Variants in CARMIL3 observed in about 807,000 individuals in gnomAD.
The protein encoded by CARMIL3 is capping protein regulator and myosin 1 linker 3.
In CARMIL3, 88 loss-of-function variants were observed where a neutral mutation model predicts 180.8. The ratio of observed to expected loss-of-function variants is 0.49; its 90% confidence interval spans 0.41 to 0.58. The LOEUF is 0.58. Among genes scored for constraint, CARMIL3 ranks in the 20% least tolerant of loss-of-function variants. The pLI, the probability that CARMIL3 is intolerant of heterozygous loss-of-function variation, is 0.00. For missense variants in CARMIL3, 1,548 were observed against 1,787.0 expected (o/e 0.87, Z 2.41); for synonymous variants, 696 against 714.5 (o/e 0.97, Z 0.41).
chr14:24,064,980 G>A lies in CARMIL3; in HGVS notation c.3103G>A (p.Val1035Met), dbSNP rs542450759. Reference protein sequence around the residue: ...SSSYPRTLRTVRPGLSEAPLP... With the variant: ...SSSYPRTLRTMRPGLSEAPLP... The stretch of plus-strand genomic sequence containing the variant: ...CAGCTACCCCCGGACTCTGAGGACC[G>A]TGCGGCCAGGACTCTCGGAGGCACC... The change falls in exon 33 of 40, where the codon GTG becomes ATG. Residue 1035 changes from valine to methionine, a missense_variant. By Grantham distance (21) the Val-to-Met change is conservative. Around this residue, in one of 4 missense-constraint regions of CARMIL3, gnomAD observed 668 missense variants for 687.8 expected, o/e 0.97. Coordinates refer to ENST00000342740, the MANE Select transcript of CARMIL3 (RefSeq NM_138360.4). 2.9e-5 allele frequency: 47 copies of A among 1,611,994 alleles called. No individual in the cohort carries two copies. Among genetic ancestry groups the A allele is most frequent in the African/African-American group, 1.9e-4 (14 of 74,938 alleles).
At chr14:24,053,848 G>A (rs762221065) in intron 2 of CARMIL3, 45 bp downstream of exon 2, 2 of 1,538,912 alleles carry the variant, frequency 1.3e-6, no homozygotes, top group Admixed American at 3.6e-5. Flanking sequence ...GGCTGGCAAG[G>A]GCAGCTGGCC....
chr14:24,064,005 A>G (rs781218660), intron 31 of CARMIL3, among the ~76,000 whole-genome samples: 1 of 151,658 alleles, frequency 6.6e-6, no homozygotes, highest in Non-Finnish European at 1.5e-5. Context: ...GAGGCAGGAG[A>G]ACTGCGTGAA....
rs1483125431 is a variant in CARMIL3 at position 24,059,615 on chromosome 14, T to C, written c.1800-49T>C. On this transcript the variant is annotated intron_variant, in intron 21 of 39. Coordinates refer to ENST00000342740, the MANE Select transcript of CARMIL3 (RefSeq NM_138360.4). The surrounding 1 kb of genome is among the most constrained non-coding windows in gnomAD (Gnocchi z 6.3). ...AGAGGTTTGTGTCCCTGGCCCCTAG[T>C]AGGGACCCAGGAGGAGAGGTGCCAA... 8.1e-6 allele frequency: 13 copies of C among 1,600,368 alleles called. No individual in the cohort carries two copies. Among genetic ancestry groups the C allele is most frequent in the Non-Finnish European group, 1.0e-5 (12 of 1,169,214 alleles).
chr14:24,053,899 TG>T, intron 2 of CARMIL3, 96 bp downstream of exon 2: 2 of 1,240,020 alleles, frequency 1.6e-6, no homozygotes, highest in Non-Finnish European at 2.3e-6. Flanking sequence ...GAGACAGAAG[TG>T]GGTGGACACT....
In CARMIL3 at chr14:24,060,768, A is replaced by G; in HGVS notation, c.2190+12A>G. 1.9e-6 allele frequency: 3 copies of G among 1,611,784 alleles called. No homozygotes were observed. Among genetic ancestry groups the G allele is most frequent in the Non-Finnish European group, 2.5e-6 (3 of 1,178,784 alleles). ...AGAACTCCCGGGCGGTGAGCCCTCC[A>G]CAGGCTACCCTTCCCCTGAAGTCTG... On this transcript the variant is annotated intron_variant, in intron 25 of 39. Coordinates refer to ENST00000342740, the MANE Select transcript of CARMIL3 (RefSeq NM_138360.4).
chr14:24,055,988 C>T (rs554505021), intron 10 of CARMIL3, among the ~76,000 whole-genome samples, 199 bp downstream of exon 10: 4 of 152,326 alleles, frequency 2.6e-5, no homozygotes, highest in African/African-American at 9.6e-5. Flanking sequence ...TGACGCCCAG[C>T]TCCATGGCCT....
intron 36 of CARMIL3, among the ~76,000 whole-genome samples, chr14:24,068,268 G>A (rs1164549915): frequency 3.9e-5 from 6 of 152,008 alleles, no homozygotes; most frequent in East Asian, 3.9e-4. Flanking sequence ...GTGGTGGCAC[G>A]CACCTGTAGT....
At chr14:24,066,680 A>C in intron 36 of CARMIL3, 24 bp downstream of exon 36, 1 of 1,610,988 alleles carries the variant, frequency 6.2e-7, no homozygotes, top group Non-Finnish European at 8.5e-7. Context: ...CTTTTCAGGC[A>C]GCAGTACTGA....
At chr14:24,057,268 C>T (rs970517724) in intron 14 of CARMIL3, 24 bp downstream of exon 14, 4 of 1,609,852 alleles carry the variant, frequency 2.5e-6, no homozygotes, top group Non-Finnish European at 3.4e-6. Flanking sequence ...GATGGGAAGC[C>T]AGTCTGAGGT....
intron 33 of CARMIL3, 172 bp from the exon 34 acceptor site, chr14:24,065,450 C>T: frequency 9.2e-7 from 1 of 1,085,174 alleles, no homozygotes; most frequent in Non-Finnish European, 1.3e-6. Context: ...CAAGAGCATG[C>T]TGGGAGTGCT....
At position 24,060,210 on chromosome 14, in the gene CARMIL3, G is replaced by A. The variant is rs2035718709; in HGVS notation, c.2016G>A (p.Gln672=). The part of the protein sequence containing the change: ...NNHSQTCPQE[Q]AFRLQQGLVT... ...ACTCCCAGACGTGCCCCCAGGAGCA[G>A]GCCTTCAGGTTGCAGCAGGGCCTGG... Residue 672 remains glutamine (Q), a synonymous_variant, in exon 24 of 40, where the codon CAG becomes CAA. Transcript: ENST00000342740. The A allele has an allele frequency of 6.2e-7, 1 of 1,614,026 alleles. No homozygotes were observed. Among genetic ancestry groups the A allele is most frequent in the Non-Finnish European group, 8.5e-7 (1 of 1,180,034 alleles).
chr14:24,059,580 T>C lies in CARMIL3; in HGVS notation c.1800-84T>C. 1 of 1,556,314 alleles carries C rather than the reference T, an allele frequency of 6.4e-7. No homozygotes were observed. On this transcript the variant is annotated intron_variant, in intron 21 of 39. Coordinates refer to ENST00000342740, the MANE Select transcript of CARMIL3 (RefSeq NM_138360.4). This position sits in a 1 kb window ranked among gnomAD's most constrained non-coding sequence, Gnocchi z 6.3. ...CCCAGAACCATCTCTGAGTCAGCCT[T>C]ATTGCCCCAAGAGGTTTGTGTCCCT... is the stretch of plus-strand genomic sequence containing the variant.
At position 24,058,771 on chromosome 14, in the gene CARMIL3, G is replaced by T. The variant is rs747638497; in HGVS notation, c.1474+10G>T. 6.8e-6 allele frequency: 11 copies of T among 1,613,954 alleles called. No individual in the cohort carries two copies. In the Admixed American group the frequency reaches 1.8e-4, roughly 27 times the overall value. ...GATCTGTCAGACAATGGTGAGTAGT[G>T]GTTCCTCCCTTCCCTGGGGCCAGGG... On this transcript the variant is annotated intron_variant, in intron 18 of 39. Coordinates refer to ENST00000342740, the MANE Select transcript of CARMIL3 (RefSeq NM_138360.4). This position sits in a 1 kb window ranked among gnomAD's most constrained non-coding sequence, Gnocchi z 6.4.
chr14:24,057,823 C>T lies in CARMIL3; in HGVS notation c.1161C>T (p.His387=), dbSNP rs184224200. The T allele has an allele frequency of 1.1e-4, 181 of 1,610,778 alleles. 2 individuals carry two copies. Among genetic ancestry groups the T allele is most frequent in the South Asian group, 4.5e-4 (41 of 90,844 alleles). The change falls in exon 15 of 40, where the codon CAC becomes CAT. Residue 387 remains histidine (H), a synonymous_variant. Coordinates refer to ENST00000342740, the MANE Select transcript of CARMIL3 (RefSeq NM_138360.4). ...VIDLLLGALL[H]GCCSHLTYLN... Reference sequence around the variant, plus strand: ...CACAGCTTCTCGGTGCCCTGCTCCACGGCTGCTGCTCCCACCTCACCTACC... The same window carrying T: ...CACAGCTTCTCGGTGCCCTGCTCCATGGCTGCTGCTCCCACCTCACCTACC...
At position 24,062,704 on chromosome 14, in the gene CARMIL3, C is replaced by T. The variant is rs764311718; in HGVS notation, c.2569-5C>T. The stretch of plus-strand genomic sequence containing the variant: ...GGAATTCTGTTCACACCTGCCCTTC[C>T]CCAGGCCCGGCACCTGACCCAGCTA... On this transcript the variant is annotated splice_polypyrimidine_tract_variant and splice_region_variant and intron_variant, in intron 28 of 39. Coordinates refer to ENST00000342740, the MANE Select transcript of CARMIL3 (RefSeq NM_138360.4). 5.6e-6 allele frequency: 9 copies of T among 1,607,496 alleles called. No homozygotes were observed. The highest frequency in any genetic ancestry group is 7.7e-6 in the Non-Finnish European group (9 of 1,176,036).
At position 24,053,709 on chromosome 14, in the gene CARMIL3, A is replaced by G. The variant is rs1324137517; in HGVS notation, c.41A>G (p.Asp14Gly). 2 of 1,607,620 alleles carry G rather than the reference A, an allele frequency of 1.2e-6. No individual in the cohort carries two copies. Among genetic ancestry groups the G allele is most frequent in the African/African-American group, 1.3e-5 (1 of 74,914 alleles). ...PSVELTRELQ[D>G]SIRRCLSQGA... is the part of the protein sequence containing the mutation. ...TGAGCAGGCTCCCACCCCCCCTCAG[A>G]CAGCATCCGGAGGTGCCTGAGCCAA... The change falls in exon 2 of 40, where the codon GAC becomes GGC. Residue 14 changes from aspartate to glycine, a missense_variant and splice_region_variant. Asp to Gly is a moderately conservative substitution (Grantham distance 94, BLOSUM62 -1). Around this residue, in one of 4 missense-constraint regions of CARMIL3, gnomAD observed 578 missense variants for 666.5 expected, o/e 0.87. Transcript: ENST00000342740.
intron 24 of CARMIL3, 70 bp downstream of exon 24, chr14:24,060,325 TTGAG>T (rs2035720156): frequency 1.9e-6 from 3 of 1,543,862 alleles, no homozygotes; most frequent in Admixed American, 3.4e-5. Flanking sequence ...TGATGGAAAA[TTGAG>T]TGGGGGAGCA....
At position 24,052,106 on chromosome 14, in the gene CARMIL3, G is replaced by A. The variant is rs781413287; in HGVS notation, c.-48G>A. On this transcript the variant is annotated 5_prime_UTR_variant, in exon 1 of 40. Transcript: ENST00000342740. ...GGTCTAGCATGTGCCGCGGCTCCCCGGCGGCGGCGGCGGCTCCTCTGCAGC... is the reference window on the plus strand; with the variant it reads ...GGTCTAGCATGTGCCGCGGCTCCCCAGCGGCGGCGGCGGCTCCTCTGCAGC... The A allele has an allele frequency of 1.4e-6, 2 of 1,449,098 alleles. No homozygotes were observed. Among genetic ancestry groups the A allele is most frequent in the South Asian group, 1.3e-5 (1 of 76,664 alleles). 89.8% of individuals were successfully genotyped at this position (1,449,098 alleles called of 1,614,324 possible).
chr14:24,062,916 C>T, intron 29 of CARMIL3, 70 bp downstream of exon 29: 1 of 1,555,938 alleles, frequency 6.4e-7, no homozygotes, highest in Non-Finnish European at 8.7e-7. Context: ...AACACTGTCC[C>T]CTTCCACTGA....
Sources: allele counts gnomAD v4.1 joint callset (sites outside exome capture counted in the v4.1 genomes callset), GRCh38; gene constraint gnomAD v4.1.1; regional missense constraint gnomAD v4.1.1; non-coding constraint Gnocchi (gnomAD v3.1); transcripts MANE v1.5; gene names NCBI Gene and HGNC (gene_info 2026-07-23, HGNC 2026-07-21).